Variants in KLC1 observed in about 807,000 individuals in gnomAD.
KLC1 encodes kinesin light chain 1, also known as kinesin 2 60/70kDa.
In KLC1, 30 loss-of-function variants were observed where a neutral mutation model predicts 84.2. The ratio of observed to expected loss-of-function variants is 0.36; its 90% confidence interval spans 0.27 to 0.48. The LOEUF (loss-of-function observed/expected upper bound fraction) is 0.48. Among genes scored for constraint, KLC1 ranks in the 20% least tolerant of loss-of-function variants. The pLI, the probability that KLC1 is intolerant of heterozygous loss-of-function variation, is 0.99. For missense variants in KLC1, 499 were observed against 805.4 expected (o/e 0.62, Z 4.60); for synonymous variants, 289 against 293.3 (o/e 0.99, Z 0.15).
chr14:103,675,004 G>GTAAGAAGTAGTATC (rs1182820234), intron 9 of KLC1, among the ~76,000 whole-genome samples: 1 of 152,102 alleles, frequency 6.6e-6, no homozygotes, highest in Non-Finnish European at 1.5e-5. Flanking sequence ...TGTCCATGCT[G>GTAAGAAGTAGTATC]TAAGAAGTAG....
At chr14:103,629,923 C>T (rs1314450474) in intron 1 of KLC1, among the ~76,000 whole-genome samples, 5 of 152,150 alleles carry the variant, frequency 3.3e-5, no homozygotes, top group African/African-American at 1.2e-4. Context: ...ACCCCGGGAT[C>T]GCGGCGGGCG....
intron 11 of KLC1, among the ~76,000 whole-genome samples, chr14:103,676,467 T>A (rs1316161484): frequency 6.6e-6 from 1 of 152,166 alleles, no homozygotes; most frequent in African/African-American, 2.4e-5. Flanking sequence ...AGTTTCACCG[T>A]GTTGGCCAGG....
intron 6 of KLC1, among the ~76,000 whole-genome samples, chr14:103,669,978 G>GT (rs1193144557): frequency 6.6e-6 from 1 of 152,120 alleles, no homozygotes; most frequent in African/African-American, 2.4e-5. Flanking sequence ...TTGTTGATTT[G>GT]TTTAATTTTA....
At chr14:103,669,304 A>G (rs2080172496) in intron 5 of KLC1, among the ~76,000 whole-genome samples, 1 of 151,820 alleles carries the variant, frequency 6.6e-6, no homozygotes, top group Non-Finnish European at 1.5e-5. Context: ...GCGTGGTGAC[A>G]GATGCCTGTA....
At position 103,693,457 on chromosome 14, in the gene KLC1, C is replaced by T. The variant is rs2082236820; in HGVS notation, c.1848+1032C>T. On this transcript the variant is annotated intron_variant, in intron 15 of 16. Transcript: ENST00000334553. The surrounding 1 kb of genome is among the most constrained non-coding windows in gnomAD (Gnocchi z 5.1). ...CTCTCGAGTGCCAACCTAGATTTAG[C>T]TGTGCAGCTGGTACTGTTAGGCCTG... 1 of 1,515,054 alleles carries T rather than the reference C, an allele frequency of 6.6e-7. No individual in the cohort carries two copies. Among genetic ancestry groups the T allele is most frequent in the Non-Finnish European group, 8.8e-7 (1 of 1,134,812 alleles). The allele number at this position is 1,515,054 out of a possible 1,614,324, so 93.9% of individuals were successfully genotyped here.
At chr14:103,663,167 C>G (rs2079436662) in intron 5 of KLC1, among the ~76,000 whole-genome samples, 1 of 151,216 alleles carries the variant, frequency 6.6e-6, no homozygotes, top group Admixed American at 6.6e-5. Context: ...GCAAGCTCCG[C>G]CTCCCGGGTT....
intron 1 of KLC1, among the ~76,000 whole-genome samples, chr14:103,647,874 CAAA>C (rs577778256): frequency 4.4e-5 from 4 of 90,194 alleles, no homozygotes; most frequent in Non-Finnish European, 4.6e-5. Context: ...GACTCCATCT[CAAA>C]AAAAAAAAAA....
chr14:103,698,686 G>A (rs1034478149), intron 15 of KLC1: 17 of 971,026 alleles, frequency 1.8e-5, no homozygotes, highest in South Asian at 7.1e-5. Flanking sequence ...TGGAAGAGCT[G>A]TGTCTGAACC....
At chr14:103,640,372 T>C (rs574877104) in intron 1 of KLC1, among the ~76,000 whole-genome samples, 2 of 151,438 alleles carry the variant, frequency 1.3e-5, no homozygotes, top group African/African-American at 2.4e-5. Context: ...TGAATTCTTT[T>C]TTTTTTGAGA....
intron 1 of KLC1, among the ~76,000 whole-genome samples, chr14:103,636,302 A>C (rs572406527): frequency 6.6e-6 from 1 of 151,852 alleles, no homozygotes; most frequent in East Asian, 1.9e-4. Context: ...GCTCACTGCA[A>C]CCTCTGCCTC....
chr14:103,666,381 C>G (rs962007852), intron 5 of KLC1, among the ~76,000 whole-genome samples: 3 of 148,634 alleles, frequency 2.0e-5, no homozygotes, highest in Non-Finnish European at 3.0e-5. Context: ...GCTTCTTAAA[C>G]CCACTTGATT....
chr14:103,680,289 T>G (rs1222376031), intron 13 of KLC1, among the ~76,000 whole-genome samples: 2 of 152,108 alleles, frequency 1.3e-5, no homozygotes, highest in Non-Finnish European at 2.9e-5. Flanking sequence ...TTTTTTTTTT[T>G]TTGATACATA....
At chr14:103,633,847 A>G (rs1454860235) in intron 1 of KLC1, among the ~76,000 whole-genome samples, 1 of 151,922 alleles carries the variant, frequency 6.6e-6, no homozygotes, top group Non-Finnish European at 1.5e-5. Context: ...ACTATCTTAA[A>G]TGCTGTATTA....
At chr14:103,635,685 C>T (rs1370365529) in intron 1 of KLC1, among the ~76,000 whole-genome samples, 1 of 151,312 alleles carries the variant, frequency 6.6e-6, no homozygotes. Context: ...ACCCGGGAGG[C>T]GGAGGTTGCA....
chr14:103,636,479 C>T (rs1334666473), intron 1 of KLC1, among the ~76,000 whole-genome samples: 1 of 152,138 alleles, frequency 6.6e-6, no homozygotes, highest in Admixed American at 6.6e-5. Context: ...ATCGGCCTCC[C>T]AAAGTGTTGG....
chr14:103,635,477 T>C (rs79120022), intron 1 of KLC1, among the ~76,000 whole-genome samples: 2,608 of 152,156 alleles, frequency 0.017, 65 homozygotes, highest in African/African-American at 0.055. Context: ...TAAAAGGCTG[T>C]GCTTGGTGGC....
intron 11 of KLC1, 41 bp from the exon 12 acceptor site, chr14:103,677,374 C>G (rs1396967506): frequency 8.3e-7 from 1 of 1,197,624 alleles, no homozygotes; most frequent in South Asian, 1.2e-5. Flanking sequence ...TTGTTCAGAG[C>G]TTATATGTCA....
At chr14:103,701,004 G>C (rs183670233) in intron 16 of KLC1, among the ~76,000 whole-genome samples, 197 bp from the exon 17 acceptor site, 1 of 152,224 alleles carries the variant, frequency 6.6e-6, no homozygotes, top group Non-Finnish European at 1.5e-5. Flanking sequence ...CAGGCCTTTG[G>C]TGCTCCAGGG....
Position 103,690,607 on chromosome 14 carries a change from C to T in KLC1, c.1782-1752C>T, listed in dbSNP as rs549624399. Among the ~76,000 whole-genome samples the T allele has an allele frequency of 2.8e-4, 40 of 144,604 alleles. 1 individual carries two copies. Among genetic ancestry groups the T allele is most frequent in the African/African-American group, 8.4e-4 (33 of 39,072 alleles). The allele number at this position is 144,604 out of a possible 152,430, so 94.9% of individuals were successfully genotyped here. A position where few individuals can be genotyped will look rare whatever the true frequency, so the allele number is the denominator to read the frequency against. On this transcript the variant is annotated intron_variant, in intron 14 of 16. Coordinates refer to ENST00000334553, the MANE Select transcript of KLC1 (RefSeq NM_001394837.1). ...CCTCACAGCCACCGTCCTTGGCTTT[C>T]CCAGGAACTGCTGCGCTCATGTTCG...
Sources: allele counts gnomAD v4.1 joint callset (sites outside exome capture counted in the v4.1 genomes callset), GRCh38; gene constraint gnomAD v4.1.1; non-coding constraint Gnocchi (gnomAD v3.1); transcripts MANE v1.5; gene names NCBI Gene and HGNC (gene_info 2026-07-23, HGNC 2026-07-21).